The following SVIL variants were observed in gnomAD, a reference collection of about 807,000 sequenced individuals.
The protein encoded by SVIL is archvillin.
Under a neutral mutation model 240.4 loss-of-function variants are expected in SVIL, and 101 were observed. That is an observed-to-expected ratio of 0.42 (90% CI 0.36 to 0.50). The LOEUF is 0.50. Ranked by LOEUF, SVIL falls within the 20% of genes least tolerant of loss-of-function variation. The pLI, the probability that SVIL is intolerant of heterozygous loss-of-function variation, is 0.01. For missense variants in SVIL, 2,512 were observed against 2,818.7 expected, an observed-to-expected ratio of 0.89 and a Z score of 2.46; for synonymous variants, 999 against 1,100.0, an observed-to-expected ratio of 0.91 and a Z score of 1.82.
chr10:29,543,256 A>G (rs1005765033), intron 6 of SVIL, among the ~76,000 whole-genome samples: 2 of 152,212 alleles, frequency 1.3e-5, no homozygotes, highest in South Asian at 2.1e-4. Flanking sequence ...CAACCTGGAA[A>G]GGTCAAGAAA....
At chr10:29,583,433 G>A (rs1189829706) in intron 1 of SVIL, among the ~76,000 whole-genome samples, 2 of 152,138 alleles carry the variant, frequency 1.3e-5, no homozygotes, top group Non-Finnish European at 2.9e-5. Flanking sequence ...CTGAGTAGCT[G>A]GGACTACAGG....
chr10:29,713,099 A>C (rs1963399381), intron 1 of SVIL, among the ~76,000 whole-genome samples: 2 of 152,048 alleles, frequency 1.3e-5, no homozygotes. Context: ...GAATTGCTTG[A>C]ATCTGGGAGG....
At chr10:29,658,759 A>C (rs937418411) in intron 2 of SVIL, among the ~76,000 whole-genome samples, 1 of 152,224 alleles carries the variant, frequency 6.6e-6, no homozygotes. Context: ...TGTCTTTAAA[A>C]AAATTAAAAA....
chr10:29,497,233 T>A (rs776641665), intron 18 of SVIL, among the ~76,000 whole-genome samples: 3 of 152,220 alleles, frequency 2.0e-5, no homozygotes, highest in Non-Finnish European at 4.4e-5. Context: ...AGTTAGGTAC[T>A]CTTCATAAAA....
rs71023503 is a variant in SVIL, at chr10:29,717,232, C to CAAAAAAAAAA, written c.-400+18509_-400+18518dup. 1.3e-4 allele frequency among the ~76,000 whole-genome samples: 5 copies of CAAAAAAAAAA among 38,300 alleles called. 1 individual carries two copies. The highest frequency in any genetic ancestry group is 2.3e-4 in the Non-Finnish European group (5 of 21,720). The allele number at this position is 38,300 out of a possible 152,430, so 25.1% of individuals were successfully genotyped here. On this transcript the variant is annotated intron_variant, in intron 1 of 35. Coordinates refer to the SVIL transcript ENST00000375400. The stretch of plus-strand genomic sequence containing the variant: ...TGGGCGACAGAGCAAGACTCTCTCT[C>CAAAAAAAAAA]AAAAAAAAAAAAAAAAAAAAAAAAA...
rs755961150 is a variant in SVIL at position 29,470,448 on chromosome 10, G to C, written c.5671C>G (p.Pro1891Ala). 6.2e-7 allele frequency: 1 copy of C among 1,613,976 alleles called. No individual in the cohort carries two copies. The highest frequency in any genetic ancestry group is 1.3e-5 in the African/African-American group (1 of 74,916). The change falls in exon 32 of 38, where the codon CCC (proline) becomes GCC (alanine). Residue 1891 changes from proline (P) to alanine (A), a missense_variant. Pro to Ala is a conservative substitution (Grantham distance 27). Around this residue, in one of 3 missense-constraint regions of SVIL, gnomAD observed 797 missense variants for 925.3 expected, o/e 0.86. Transcript: ENST00000355867. ...WRLYCVRGEV[P>A]VEGNLLEVAC... ...ACTTCCAGCAAATTCCCTTCCACGGGCACCTCTCCACGCACGCAGTACAGC... is the reference window on the plus strand; with the variant it reads ...ACTTCCAGCAAATTCCCTTCCACGGCCACCTCTCCACGCACGCAGTACAGC...
At chr10:29,489,109 T>A (rs1947710379) in intron 22 of SVIL, among the ~76,000 whole-genome samples, 1 of 152,218 alleles carries the variant, frequency 6.6e-6, no homozygotes, top group Non-Finnish European at 1.5e-5. Flanking sequence ...AACTTTTACA[T>A]GTCCAAATGT....
intron 1 of SVIL, among the ~76,000 whole-genome samples, chr10:29,580,808 G>A (rs539204808): frequency 2.6e-4 from 40 of 152,100 alleles, no homozygotes; most frequent in African/African-American, 9.6e-4. Context: ...CTGGGACCAC[G>A]CCTGGCTATT....
At chr10:29,633,717 T>C (rs751060175) in intron 1 of SVIL, among the ~76,000 whole-genome samples, 2 of 152,030 alleles carry the variant, frequency 1.3e-5, no homozygotes, top group Non-Finnish European at 2.9e-5. Context: ...TGTTCTAGAG[T>C]TCACTGCTGT....
At chr10:29,733,318 A>G (rs576819187) in intron 1 of SVIL, among the ~76,000 whole-genome samples, 9 of 152,150 alleles carry the variant, frequency 5.9e-5, no homozygotes, top group Non-Finnish European at 1.2e-4. Flanking sequence ...TATTATTCCT[A>G]GCTTGTTTTG....
chr10:29,666,892 A>T (rs567765798), intron 2 of SVIL, among the ~76,000 whole-genome samples: 2 of 152,256 alleles, frequency 1.3e-5, no homozygotes, highest in South Asian at 4.2e-4. Flanking sequence ...TAGCTCCCAT[A>T]GAGTCCATTA....
At chr10:29,556,381 A>G (rs1187097340) in intron 3 of SVIL, among the ~76,000 whole-genome samples, 1 of 152,112 alleles carries the variant, frequency 6.6e-6, no homozygotes, top group East Asian at 1.9e-4. Context: ...GACTGCTTCA[A>G]TTTCCATTTT....
intron 36 of SVIL, among the ~76,000 whole-genome samples, chr10:29,459,619 T>C (rs1943996857): frequency 6.6e-6 from 1 of 152,224 alleles, no homozygotes; most frequent in Non-Finnish European, 1.5e-5. Flanking sequence ...AGAATCAATT[T>C]TTTTGTTTTT....
intron 6 of SVIL, among the ~76,000 whole-genome samples, chr10:29,547,767 C>T (rs571022112): frequency 2.6e-5 from 4 of 152,126 alleles, no homozygotes; most frequent in East Asian, 1.9e-4. Flanking sequence ...ACTCAGATAC[C>T]GTGATAACGA....
At chr10:29,630,832 C>T (rs1303196742) in intron 1 of SVIL, among the ~76,000 whole-genome samples, 1 of 152,102 alleles carries the variant, frequency 6.6e-6, no homozygotes, top group Admixed American at 6.5e-5. Context: ...CTGGATGGAT[C>T]ACAGCCAAAT....
chr10:29,487,223 G>C lies in SVIL; in HGVS notation c.4425C>G (p.Leu1475=), dbSNP rs770598355. The C allele has an allele frequency of 8.1e-6, 13 of 1,614,038 alleles. No individual in the cohort carries two copies. Among genetic ancestry groups the C allele is most frequent in the Admixed American group, 1.7e-5 (1 of 59,998 alleles). The part of the protein sequence containing the change: ...ALNSGDCFLL[L]SPHCCFLWVG... ...CCCACAGGAAGCAGCAGTGGGGAGA[G>C]AGCAGGAGGAAGCAGTCCCCACTGT... The change falls in exon 24 of 38, where the codon CTC becomes CTG. Residue 1475 remains leucine (L), a synonymous_variant. Coordinates refer to ENST00000355867, the MANE Select transcript of SVIL (RefSeq NM_021738.3).
chr10:29,500,436 C>T lies in SVIL; in HGVS notation c.3517-1173G>A, dbSNP rs202027833. The stretch of plus-strand genomic sequence containing the variant: ...TCCAGAGCAGAAGGCACGTCCCTGG[C>T]TGTCACCTGCTGGTTTCTGGAAGGG... On this transcript the variant is annotated intron_variant, in intron 17 of 37. Coordinates refer to ENST00000355867, the MANE Select transcript of SVIL (RefSeq NM_021738.3). Among the ~76,000 whole-genome samples, 25 of 152,262 alleles carry T rather than the reference C, an allele frequency of 1.6e-4. No homozygotes were observed. In the East Asian group the frequency reaches 4.7e-3, roughly 28 times the overall value.
At chr10:29,487,364 G>A (rs1215866919) in intron 23 of SVIL, 65 bp from the exon 24 acceptor site, 60 of 1,575,690 alleles carry the variant, frequency 3.8e-5, no homozygotes, top group Middle Eastern at 1.9e-4. Flanking sequence ...ACCCCATATC[G>A]GAAGCATCCC....
At chr10:29,518,596 C>T (rs1199976876) in intron 16 of SVIL, among the ~76,000 whole-genome samples, 1 of 151,972 alleles carries the variant, frequency 6.6e-6, no homozygotes, top group Admixed American at 6.6e-5. Context: ...TGGCTCACGC[C>T]TGTAATCCCA....
Sources: gnomAD v4.1 joint callset for allele counts (sites outside exome capture counted in the v4.1 genomes callset) on GRCh38, gnomAD v4.1.1 for gene constraint, gnomAD v4.1.1 regional missense constraint, MANE v1.5 for transcripts, NCBI Gene and HGNC (gene_info 2026-07-23, HGNC 2026-07-21) for gene names.